C1GALT1: variants seen among roughly 807,000 people sequenced by gnomAD.
The protein encoded by C1GALT1 is core 1 synthase, glycoprotein-N-acetylgalactosamine 3-beta-galactosyltransferase 1, also known as glycoprotein-N-acetylgalactosamine 3-beta-galactosyltransferase 1.
C1GALT1 carries 11 observed loss-of-function variants against 31.0 expected under a neutral mutation model. The ratio of observed to expected loss-of-function variants is 0.36; its 90% CI spans 0.22 to 0.59. The LOEUF (loss-of-function observed/expected upper bound fraction) is 0.59, where lower values mean the gene tolerates loss of function less well. C1GALT1 is among the 20% of genes least tolerant of loss of function. The pLI is 0.79. For synonymous variants in C1GALT1, 175 were observed against 143.6 expected (o/e 1.22, Z -1.56); for missense variants, 424 against 425.2 (o/e 1.00, Z 0.03).
intron 1 of C1GALT1, among the ~76,000 whole-genome samples, chr7:7,223,749 TTC>T (rs1450221083): frequency 6.6e-6 from 1 of 152,188 alleles, no homozygotes; most frequent in African/African-American, 2.4e-5. Flanking sequence ...TGCCTTTTCA[TTC>T]TCTTTTTTAT....
At chr7:7,188,557 C>T (rs59254091) in intron 1 of C1GALT1, among the ~76,000 whole-genome samples, 3,477 of 151,576 alleles carry the variant, frequency 0.023, 135 homozygotes, top group African/African-American at 0.078. Flanking sequence ...TGTGTGTACC[C>T]GATGCAAAAT....
At chr7:7,200,040 A>G (rs923209989) in intron 1 of C1GALT1, among the ~76,000 whole-genome samples, 4 of 152,170 alleles carry the variant, frequency 2.6e-5, no homozygotes, top group African/African-American at 9.7e-5. Flanking sequence ...GCCCATTTAC[A>G]TTTAAAGTTA....
intron 1 of C1GALT1, among the ~76,000 whole-genome samples, chr7:7,200,788 C>T (rs182104443): frequency 1.4e-3 from 206 of 152,316 alleles, no homozygotes; most frequent in South Asian, 2.7e-3. Context: ...CTGATCAATT[C>T]GGCTACTGAA....
At chr7:7,188,966 T>G (rs1266381311) in intron 1 of C1GALT1, among the ~76,000 whole-genome samples, 1 of 152,192 alleles carries the variant, frequency 6.6e-6, no homozygotes, top group African/African-American at 2.4e-5. Flanking sequence ...GTGGTAGAGA[T>G]GGTAAAGAAA....
Position 7,164,229 on chromosome 7 carries a change from T to C in C1GALT1, c.-18+6803T>C, listed in dbSNP as rs1358573101. On this transcript the variant is annotated intron_variant, in intron 2 of 3. Transcript: ENST00000429911. ...CAAGCAATGGGGAAAGGATTCCCTA[T>C]TTAATAAATGGTGCTGGGGAAACTG... is the stretch of plus-strand genomic sequence containing the variant. Among the ~76,000 whole-genome samples, 4 of 152,192 alleles carry C rather than the reference T, an allele frequency of 2.6e-5. No homozygotes were observed. In the East Asian group the frequency reaches 7.7e-4, roughly 29 times the overall value.
chr7:7,217,540 C>T (rs993701214), intron 1 of C1GALT1, among the ~76,000 whole-genome samples: 4 of 152,136 alleles, frequency 2.6e-5, no homozygotes, highest in South Asian at 2.1e-4. Flanking sequence ...ATGCTTTATT[C>T]GCTGATGGAT....
In C1GALT1 at chr7:7,198,924, TTTTCTTCTCTA is replaced by T. The variant is rs1781415169; in HGVS notation, c.-18+16107_-18+16117del. On this transcript the variant is annotated intron_variant, in intron 1 of 3. Transcript: ENST00000436587. ...ATTGCATCTATTTGATTCTTCTCTC[TTTTCTTCTCTA>T]TTAGTCTTGCTAGCGGTCTATCCAT... Among the ~76,000 whole-genome samples, 3 of 152,332 alleles carry T rather than the reference TTTTCTTCTCTA, an allele frequency of 2.0e-5. No individual in the cohort carries two copies. The South Asian group carries it at 6.2e-4, about 32-fold the overall frequency.
At position 7,243,921 on chromosome 7, in the gene C1GALT1, C is replaced by T. The variant is rs563492836; in HGVS notation, c.*194C>T. The T allele has an allele frequency of 1.2e-5, 5 of 428,016 alleles. No homozygotes were observed. Among genetic ancestry groups the T allele is most frequent in the African/African-American group, 6.1e-5 (3 of 49,220 alleles). The allele number at this position is 428,016 out of a possible 1,614,324, so 26.5% of individuals were successfully genotyped here. ...AAGTGTGTTAAAATGTGTTTTGATA[C>T]AGTAATATATAAATATGTCTATATA... On this transcript the variant is annotated 3_prime_UTR_variant, in exon 4 of 4. Coordinates refer to ENST00000436587, the MANE Select transcript of C1GALT1 (RefSeq NM_020156.5).
Position 7,243,699 on chromosome 7 carries a change from A to G in C1GALT1, c.1064A>G (p.Asp355Gly), listed in dbSNP as rs1671683886. 1.9e-6 allele frequency: 3 copies of G among 1,607,924 alleles called. No homozygotes were observed. The highest frequency in any genetic ancestry group is 1.7e-6 in the Non-Finnish European group (2 of 1,178,076). The change falls in exon 4 of 4, where the codon GAT (aspartate) becomes GGT (glycine). Residue 355 changes from aspartate to glycine, a missense_variant. Coordinates refer to ENST00000436587, the MANE Select transcript of C1GALT1 (RefSeq NM_020156.5). ...KEISQANKNEDTKVKLGNP is the reference protein window; with the variant it reads ...KEISQANKNEGTKVKLGNP ...ATTAGTCAAGCAAACAAAAATGAAG[A>G]TACAAAAGTGAAGTTAGGAAATCCT...
At chr7:7,207,258 T>C (rs1781781017) in intron 1 of C1GALT1, among the ~76,000 whole-genome samples, 1 of 151,898 alleles carries the variant, frequency 6.6e-6, no homozygotes, top group Admixed American at 6.5e-5. Flanking sequence ...TAATTTCATT[T>C]ATTGTACTTT....
intron 1 of C1GALT1, among the ~76,000 whole-genome samples, chr7:7,216,275 A>C (rs1346279376): frequency 6.6e-6 from 1 of 152,214 alleles, no homozygotes; most frequent in Non-Finnish European, 1.5e-5. Flanking sequence ...GTGGAGGAGA[A>C]GACGGGGTAT....
chr7:7,206,315 A>C (rs906918575), intron 1 of C1GALT1, among the ~76,000 whole-genome samples: 1 of 152,086 alleles, frequency 6.6e-6, no homozygotes, highest in African/African-American at 2.4e-5. Flanking sequence ...ATATAGCTAC[A>C]AGTTATTATC....
At chr7:7,223,418 C>T (rs546063329) in intron 1 of C1GALT1, among the ~76,000 whole-genome samples, 2 of 152,296 alleles carry the variant, frequency 1.3e-5, no homozygotes, top group Non-Finnish European at 2.9e-5. Context: ...CCACCTCAGC[C>T]TCCGAAAGTG....
At chr7:7,203,380 G>A (rs1018166922) in intron 1 of C1GALT1, among the ~76,000 whole-genome samples, 1 of 151,902 alleles carries the variant, frequency 6.6e-6, no homozygotes, top group Non-Finnish European at 1.5e-5. Context: ...TGGGTTTCTC[G>A]TGAGTGTTTA....
intron 2 of C1GALT1, among the ~76,000 whole-genome samples, chr7:7,175,796 T>G: frequency 6.6e-6 from 1 of 152,192 alleles, no homozygotes; most frequent in Non-Finnish European, 1.5e-5. Flanking sequence ...TGACTTGGTT[T>G]CTGCTGAGGG....
At chr7:7,208,806 G>A (rs1177232424) in intron 1 of C1GALT1, among the ~76,000 whole-genome samples, 1 of 152,218 alleles carries the variant, frequency 6.6e-6, no homozygotes, top group Non-Finnish European at 1.5e-5. Flanking sequence ...ACAAACACGT[G>A]CACAGTTGCC....
Position 7,245,755 on chromosome 7 carries a change from A to T in C1GALT1, c.*2028A>T, listed in dbSNP as rs1783820146. ...AAATGGTTTACTATAGATATCCAAA[A>T]ACCTTGAGATTTGCTCATAGGAAAT... On this transcript the variant is annotated 3_prime_UTR_variant, in exon 4 of 4. Coordinates refer to ENST00000436587, the MANE Select transcript of C1GALT1 (RefSeq NM_020156.5). 6.6e-6 allele frequency: 1 copy of T among 152,190 alleles called. No individual in the cohort carries two copies. Among genetic ancestry groups the T allele is most frequent in the Admixed American group, 6.5e-5 (1 of 15,284 alleles). 9.4% of individuals were successfully genotyped at this position (152,190 alleles called of 1,614,324 possible). A position where few individuals can be genotyped will look rare whatever the true frequency, so the allele number is the denominator to read the frequency against.
chr7:7,193,113 T>G (rs1781144775), intron 1 of C1GALT1, among the ~76,000 whole-genome samples: 1 of 152,098 alleles, frequency 6.6e-6, no homozygotes. Flanking sequence ...GTTGTCTGTT[T>G]ACTGATTATT....
intron 2 of C1GALT1, among the ~76,000 whole-genome samples, chr7:7,163,404 A>G (rs1780359291): frequency 6.6e-6 from 1 of 152,186 alleles, no homozygotes; most frequent in Non-Finnish European, 1.5e-5. Flanking sequence ...GAAAACTGGC[A>G]CAAGACAGGG....
Sources: allele counts gnomAD v4.1 joint callset (sites outside exome capture counted in the v4.1 genomes callset), GRCh38; gene constraint gnomAD v4.1.1; transcripts MANE v1.5; gene names NCBI Gene and HGNC (gene_info 2026-07-23, HGNC 2026-07-21).